Variants in SPACA7 observed in about 807,000 individuals in gnomAD.
SPACA7 encodes sperm acrosome-associated protein 7.
In SPACA7, 19 loss-of-function variants were observed where a neutral mutation model predicts 26.3. The ratio of observed to expected loss-of-function variants is 0.72; its 90% confidence interval spans 0.50 to 1.06. The LOEUF (loss-of-function observed/expected upper bound fraction) is 1.06. Ranked by LOEUF, SPACA7 falls within the 50% of genes least tolerant of loss-of-function variation. SPACA7 has a pLI of 0.00. For missense variants in SPACA7, 211 were observed against 229.9 expected (o/e 0.92, Z 0.53); for synonymous variants, 84 against 84.5 (o/e 0.99, Z 0.04).
intron 1 of SPACA7, among the ~76,000 whole-genome samples, chr13:112,388,046 A>T (rs1884640131): frequency 6.6e-6 from 1 of 152,156 alleles, no homozygotes. Context: ...AGGGCTCATC[A>T]AATGTGACCA....
chr13:112,377,960 G>T (rs1223955965), intron 1 of SPACA7, among the ~76,000 whole-genome samples: 1 of 152,158 alleles, frequency 6.6e-6, no homozygotes, highest in Non-Finnish European at 1.5e-5. Flanking sequence ...TGGATTTTGG[G>T]CTCAAGGTAT....
At chr13:112,387,625 T>C (rs1884612433) in intron 1 of SPACA7, among the ~76,000 whole-genome samples, 1 of 152,162 alleles carries the variant, frequency 6.6e-6, no homozygotes, top group Non-Finnish European at 1.5e-5. Context: ...ATCCTTTTTA[T>C]CGGCATACCA....
intron 6 of SPACA7, 52 bp from the exon 7 acceptor site, chr13:112,434,433 A>G: frequency 6.8e-7 from 1 of 1,480,032 alleles, no homozygotes; most frequent in Non-Finnish European, 9.3e-7. Flanking sequence ...CAGTGCCTCC[A>G]TCTCCCTCAT....
At chr13:112,394,688 C>T (rs1885121165) in intron 2 of SPACA7, among the ~76,000 whole-genome samples, 1 of 152,188 alleles carries the variant, frequency 6.6e-6, no homozygotes, top group Non-Finnish European at 1.5e-5. Flanking sequence ...AGTTAGACTC[C>T]CCAAGGTCAA....
chr13:112,423,908 C>A (rs4907701), intron 5 of SPACA7, among the ~76,000 whole-genome samples: 45,503 of 152,090 alleles, frequency 0.3, 7,749 homozygotes, highest in Middle Eastern at 0.4. Context: ...TATCTTCAAA[C>A]GATTTTTTTA....
intron 6 of SPACA7, among the ~76,000 whole-genome samples, chr13:112,433,214 C>T (rs1466906756): frequency 2.7e-5 from 4 of 146,218 alleles, no homozygotes; most frequent in South Asian, 2.3e-4. Flanking sequence ...CCATCTGGAG[C>T]GCGTCACACC....
At chr13:112,419,027 A>C (rs1277897571) in intron 5 of SPACA7, among the ~76,000 whole-genome samples, 2 of 151,948 alleles carry the variant, frequency 1.3e-5, no homozygotes, top group East Asian at 1.9e-4. Context: ...CATTTAAAAA[A>C]AAAAACAAAA....
At chr13:112,387,397 G>C (rs1190631006) in intron 1 of SPACA7, among the ~76,000 whole-genome samples, 1 of 152,234 alleles carries the variant, frequency 6.6e-6, no homozygotes, top group African/African-American at 2.4e-5. Context: ...AGGCTTGAAA[G>C]TGAGTCCTAA....
chr13:112,403,083 T>G (rs904757919), intron 5 of SPACA7, among the ~76,000 whole-genome samples: 1 of 152,140 alleles, frequency 6.6e-6, no homozygotes, highest in African/African-American at 2.4e-5. Flanking sequence ...CTTTTAAAAT[T>G]TATGAGAAAT....
intron 1 of SPACA7, among the ~76,000 whole-genome samples, chr13:112,377,171 T>C (rs1883750004): frequency 6.6e-6 from 1 of 152,186 alleles, no homozygotes; most frequent in South Asian, 2.1e-4. Context: ...GCTAAACTGA[T>C]TCAGCAAAGG....
chr13:112,390,460 C>T (rs1173276688), intron 1 of SPACA7, among the ~76,000 whole-genome samples: 1 of 144,226 alleles, frequency 6.9e-6, no homozygotes, highest in Non-Finnish European at 1.5e-5. Flanking sequence ...AGTGTTAGCA[C>T]AATCCGAGAG....
At chr13:112,383,122 AAAGAAAGAAAGAAAGAAAG>A (rs1884247731) in intron 1 of SPACA7, among the ~76,000 whole-genome samples, 13 of 3,076 alleles carry the variant, frequency 4.2e-3, no homozygotes, top group Non-Finnish European at 6.9e-3. Flanking sequence ...AAAGAAAAGA[AAAGAAAGAAAGAAAGAAAG>A]AAAGAAAGAA....
intron 1 of SPACA7, among the ~76,000 whole-genome samples, chr13:112,383,967 T>C (rs1884372438): frequency 6.6e-6 from 1 of 152,218 alleles, no homozygotes; most frequent in South Asian, 2.1e-4. Flanking sequence ...GAGAAACAAA[T>C]ATGTTGTAAA....
At chr13:112,382,203 G>A (rs1160454311) in intron 1 of SPACA7, 1 of 465,348 alleles carries the variant, frequency 2.1e-6, no homozygotes, top group Non-Finnish European at 3.8e-6. Flanking sequence ...TTGCAAACGT[G>A]GTTTCAATCT....
rs144095739 is a variant in SPACA7, at chr13:112,432,368, G to A, written c.446-76G>A. 751 of 1,241,774 alleles carry A rather than the reference G, an allele frequency of 6.0e-4. 3 individuals are homozygous for A. In the Middle Eastern group the frequency reaches 7.2e-3, roughly 12 times the overall value. The allele number at this position is 1,241,774 out of a possible 1,614,324, so 76.9% of individuals were successfully genotyped here. ...CTTTGCTCAGCGCTTACGGCTCCCT[G>A]AAGTTAAAGGAAAAGTGGAATCATG... On this transcript the variant is annotated intron_variant, in intron 5 of 6. Coordinates refer to ENST00000283550, the MANE Select transcript of SPACA7 (RefSeq NM_145248.5).
rs1293486730 is a variant in SPACA7, at chr13:112,396,101, C to T, written c.152-1948C>T. Among the ~76,000 whole-genome samples, 25 of 133,462 alleles carry T rather than the reference C, an allele frequency of 1.9e-4. 3 individuals carry two copies. The highest frequency in any genetic ancestry group is 6.1e-4 in the African/African-American group (24 of 39,126). 87.6% of individuals were successfully genotyped at this position (133,462 alleles called of 152,430 possible). On this transcript the variant is annotated intron_variant, in intron 2 of 6. Coordinates refer to ENST00000283550, the MANE Select transcript of SPACA7 (RefSeq NM_145248.5). ...TCACAGCTGGGCCACCATCCACCCG[C>T]CTCAGGGAATCCCAGGGTGTCTGCA...
At chr13:112,380,281 T>C (rs1352662263) in intron 1 of SPACA7, among the ~76,000 whole-genome samples, 2 of 151,902 alleles carry the variant, frequency 1.3e-5, no homozygotes, top group East Asian at 3.9e-4. Context: ...GGTGCATGCC[T>C]GTAACCCCAG....
intron 1 of SPACA7, among the ~76,000 whole-genome samples, chr13:112,377,769 C>T (rs150692838): frequency 0.012 from 1,864 of 152,314 alleles, 15 homozygotes; most frequent in Non-Finnish European, 0.021. Context: ...AAAGAAGAGA[C>T]ATTCCTTTTC....
At chr13:112,430,604 G>A (rs4907528) in intron 5 of SPACA7, among the ~76,000 whole-genome samples, 40,368 of 152,080 alleles carry the variant, frequency 0.27, 6,138 homozygotes, top group Non-Finnish European at 0.35. Flanking sequence ...AGCAAGGACT[G>A]GGGTGATGGC....
Sources: gnomAD v4.1 joint callset for allele counts (sites outside exome capture counted in the v4.1 genomes callset) on GRCh38, gnomAD v4.1.1 for gene constraint, MANE v1.5 for transcripts, NCBI Gene and HGNC (gene_info 2026-07-23, HGNC 2026-07-21) for gene names.